GRIP1: variants seen among roughly 807,000 people sequenced by gnomAD.
The protein encoded by GRIP1 is glutamate receptor interacting protein 1.
Under a neutral mutation model 129.9 loss-of-function variants are expected in GRIP1, and 45 were observed. The ratio of observed to expected loss-of-function variants is 0.35; its 90% CI spans 0.27 to 0.44. The LOEUF (loss-of-function observed/expected upper bound fraction) is 0.44, where lower values mean the gene tolerates loss of function less well. Among genes scored for constraint, GRIP1 ranks in the 20% least tolerant of loss-of-function variants. The pLI is 1.00. For synonymous variants in GRIP1, 530 were observed against 520.8 expected, an observed-to-expected ratio of 1.02 and a Z score of -0.24; for missense variants, 1,196 against 1,396.8, an observed-to-expected ratio of 0.86 and a Z score of 2.29.
At position 66,531,280 on chromosome 12, in the gene GRIP1, T is replaced by C. The variant is rs1263234667; in HGVS notation, c.419-1366A>G. On this transcript the variant is annotated intron_variant, in intron 4 of 24. Transcript: ENST00000359742. ...ATATATATATATATATATATATATA[T>C]ATATATATATATATATATATATACA... is the stretch of plus-strand genomic sequence containing the variant. Among the ~76,000 whole-genome samples the C allele has an allele frequency of 1.6e-4, 3 of 18,472 alleles. 1 individual carries two copies. The highest frequency in any genetic ancestry group is 2.9e-3 in the East Asian group (2 of 692). The allele number at this position is 18,472 out of a possible 152,430, so 12.1% of individuals were successfully genotyped here.
intron 2 of GRIP1, among the ~76,000 whole-genome samples, chr12:66,578,936 A>T (rs1403368232): frequency 1.3e-5 from 2 of 152,192 alleles, no homozygotes; most frequent in Non-Finnish European, 2.9e-5. Context: ...TGGAGATCTG[A>T]GAACGGGCAG....
At chr12:66,558,807 G>A (rs1442441784) in intron 2 of GRIP1, among the ~76,000 whole-genome samples, 1 of 147,914 alleles carries the variant, frequency 6.8e-6, no homozygotes, top group Non-Finnish European at 1.5e-5. Context: ...ATAAAGGAGA[G>A]AATACTTCAG....
At position 66,392,373 on chromosome 12, in the gene GRIP1, G is replaced by A; in HGVS notation, c.2399C>T (p.Pro800Leu). 6.2e-7 allele frequency: 1 copy of A among 1,613,384 alleles called. No individual in the cohort carries two copies. Among genetic ancestry groups the A allele is most frequent in the Non-Finnish European group, 8.5e-7 (1 of 1,179,368 alleles). The change falls in exon 19 of 25, where the codon CCC (proline) becomes CTC (leucine). Residue 800 changes from proline (P) to leucine (L), a missense_variant. Physicochemically the swap from Pro to Leu is moderately conservative, Grantham distance 98 (BLOSUM62 -3). Transcript: ENST00000359742. Reference sequence around the variant, plus strand: ...TGAATCCACAGCACTGTCCACACTGGGCACCGTGGAGGGGTACATGTCGGA... The same window carrying A: ...TGAATCCACAGCACTGTCCACACTGAGCACCGTGGAGGGGTACATGTCGGA... ...KLSDMYPSTV[P>L]SVDSAVDSWD...
intron 1 of GRIP1, among the ~76,000 whole-genome samples, chr12:66,728,262 T>A (rs2036318140): frequency 6.6e-6 from 1 of 152,216 alleles, no homozygotes; most frequent in African/African-American, 2.4e-5. Context: ...TAATGGTGGC[T>A]TAAACACAGT....
At chr12:67,002,931 C>CTGCTGCA (rs2135688988) in intron 1 of GRIP1, among the ~76,000 whole-genome samples, 1 of 152,300 alleles carries the variant, frequency 6.6e-6, no homozygotes, top group African/African-American at 2.4e-5. Context: ...TGCCTCTCCC[C>CTGCTGCA]TGCCCAGCAG....
chr12:66,458,755 T>A (rs2138272535), intron 9 of GRIP1, among the ~76,000 whole-genome samples: 1 of 152,362 alleles, frequency 6.6e-6, no homozygotes, highest in South Asian at 2.1e-4. Context: ...TCCATATCAC[T>A]CTACCCATCA....
chr12:66,714,070 T>A (rs932474671), intron 1 of GRIP1, among the ~76,000 whole-genome samples: 1 of 152,068 alleles, frequency 6.6e-6, no homozygotes, highest in Admixed American at 6.6e-5. Context: ...ATTATTATTT[T>A]AAAATTTCTT....
At chr12:66,842,855 A>G (rs993698615) in intron 1 of GRIP1, among the ~76,000 whole-genome samples, 4 of 152,178 alleles carry the variant, frequency 2.6e-5, no homozygotes, top group African/African-American at 9.6e-5. Flanking sequence ...GTCTCTGGAA[A>G]CTGAAACAAT....
chr12:66,783,396 A>G (rs116205069), intron 1 of GRIP1, among the ~76,000 whole-genome samples: 5,865 of 152,234 alleles, frequency 0.039, 152 homozygotes, highest in African/African-American at 0.069. Flanking sequence ...TTTCTGTGTC[A>G]CAGTCCAGTT....
chr12:66,683,840 T>C (rs1392721938), upstream of GRIP1, among the ~76,000 whole-genome samples: 1 of 152,172 alleles, frequency 6.6e-6, no homozygotes, highest in African/African-American at 2.4e-5. Flanking sequence ...AATTGAGAAA[T>C]GCTTGTACAA....
intron 22 of GRIP1, among the ~76,000 whole-genome samples, chr12:66,373,957 T>C (rs968598613): frequency 6.6e-6 from 1 of 152,220 alleles, no homozygotes; most frequent in Non-Finnish European, 1.5e-5. Context: ...ACTCTTTTTC[T>C]TGACTGCTTG....
At chr12:66,543,581 T>C (rs1393921435) in intron 2 of GRIP1, among the ~76,000 whole-genome samples, 1 of 152,110 alleles carries the variant, frequency 6.6e-6, no homozygotes, top group African/African-American at 2.4e-5. Flanking sequence ...CATGAAAACA[T>C]ACGTAGATTC....
intron 1 of GRIP1, among the ~76,000 whole-genome samples, chr12:66,698,609 C>T (rs1189823651): frequency 6.6e-6 from 1 of 152,166 alleles, no homozygotes. Flanking sequence ...CTTTTCTTGC[C>T]TTCCTCCTTC....
At chr12:66,671,728 C>A (rs981098969) in intron 1 of GRIP1, among the ~76,000 whole-genome samples, 3 of 152,160 alleles carry the variant, frequency 2.0e-5, no homozygotes, top group African/African-American at 4.8e-5. Flanking sequence ...TTAGATATTA[C>A]GGTATCCAAA....
intron 1 of GRIP1, among the ~76,000 whole-genome samples, chr12:66,776,367 C>T (rs1882175): frequency 0.8 from 121,050 of 152,184 alleles, 48,306 homozygotes; most frequent in Non-Finnish European, 0.83. Flanking sequence ...AGATAGAATA[C>T]GTACTTGTTC....
At chr12:66,622,370 C>A (rs2065309415) in intron 1 of GRIP1, among the ~76,000 whole-genome samples, 1 of 151,842 alleles carries the variant, frequency 6.6e-6, no homozygotes, top group Non-Finnish European at 1.5e-5. Flanking sequence ...GATAGCACAA[C>A]AGGGTGGCTA....
intron 1 of GRIP1, among the ~76,000 whole-genome samples, chr12:67,059,301 A>C (rs2043491387): frequency 6.6e-6 from 1 of 152,196 alleles, no homozygotes; most frequent in Non-Finnish European, 1.5e-5. Flanking sequence ...TCACAACTAG[A>C]CACAATGGTG....
intron 1 of GRIP1, among the ~76,000 whole-genome samples, chr12:66,709,637 A>G (rs2035649285): frequency 6.6e-6 from 1 of 151,900 alleles, no homozygotes; most frequent in Admixed American, 6.6e-5. Context: ...GTACTGTGTT[A>G]CCTTTCAAAG....
chr12:66,475,240 A>G (rs1351739883), intron 7 of GRIP1, among the ~76,000 whole-genome samples: 1 of 152,254 alleles, frequency 6.6e-6, no homozygotes, highest in African/African-American at 2.4e-5. Flanking sequence ...GAAGGCCATT[A>G]CATAATGGTA....
Sources: gnomAD v4.1 joint callset for allele counts (sites outside exome capture counted in the v4.1 genomes callset) on GRCh38, gnomAD v4.1.1 for gene constraint, MANE v1.5 for transcripts, NCBI Gene and HGNC (gene_info 2026-07-23, HGNC 2026-07-21) for gene names.